The following CNTNAP2 variants were observed in gnomAD, a reference collection of about 807,000 sequenced individuals.
CNTNAP2 encodes contactin-associated protein-like 2.
In CNTNAP2, 98 loss-of-function variants were observed where a neutral mutation model predicts 155.2. That is an observed-to-expected ratio of 0.63 (90% CI 0.54 to 0.75). CNTNAP2 has a LOEUF of 0.75. Among genes scored for constraint, CNTNAP2 ranks in the 30% least tolerant of loss-of-function variants. CNTNAP2 has a pLI of 0.00. For missense variants in CNTNAP2, 1,727 were observed against 1,688.1 expected (o/e 1.02, Z -0.40); for synonymous variants, 651 against 631.2 (o/e 1.03, Z -0.47).
intron 12 of CNTNAP2, among the ~76,000 whole-genome samples, chr7:147,594,324 C>T (rs894404965): frequency 9.2e-5 from 14 of 152,100 alleles, no homozygotes; most frequent in South Asian, 4.2e-4. Flanking sequence ...TCTTCTGCTT[C>T]GGGCTGTGGC....
At chr7:148,179,452 A>T (rs1481232304) in intron 18 of CNTNAP2, among the ~76,000 whole-genome samples, 1 of 151,868 alleles carries the variant, frequency 6.6e-6, no homozygotes, top group Non-Finnish European at 1.5e-5. Context: ...GGCTTCAATC[A>T]GCCGAGATTG....
intron 20 of CNTNAP2, among the ~76,000 whole-genome samples, chr7:148,251,833 G>A (rs946111619): frequency 2.0e-5 from 3 of 152,224 alleles, no homozygotes; most frequent in Non-Finnish European, 4.4e-5. Context: ...CCAAGGGTAT[G>A]ATTATGCTAC....
At chr7:147,812,416 G>A (rs748059838) in intron 13 of CNTNAP2, among the ~76,000 whole-genome samples, 5 of 151,486 alleles carry the variant, frequency 3.3e-5, no homozygotes, top group Non-Finnish European at 5.9e-5. Context: ...CATCTATTCT[G>A]TTAGGAAGAA....
At chr7:146,283,245 G>C (rs1800277359) in intron 1 of CNTNAP2, among the ~76,000 whole-genome samples, 1 of 152,172 alleles carries the variant, frequency 6.6e-6, no homozygotes, top group East Asian at 1.9e-4. Flanking sequence ...ACCTTTGAAA[G>C]TTTCAAGTGA....
chr7:146,545,542 C>T (rs1378935836), intron 1 of CNTNAP2, among the ~76,000 whole-genome samples: 1 of 151,632 alleles, frequency 6.6e-6, no homozygotes, highest in Non-Finnish European at 1.5e-5. Flanking sequence ...CTCCGTCTGT[C>T]CATGTGTTCT....
intron 2 of CNTNAP2, among the ~76,000 whole-genome samples, chr7:146,835,118 G>A (rs1803591317): frequency 6.6e-6 from 1 of 152,062 alleles, no homozygotes; most frequent in Admixed American, 6.6e-5. Context: ...TTTCCTTAAA[G>A]TTAACAATAA....
At chr7:148,186,171 G>T (rs1252978474) in intron 18 of CNTNAP2, among the ~76,000 whole-genome samples, 1 of 152,088 alleles carries the variant, frequency 6.6e-6, no homozygotes, top group Admixed American at 6.6e-5. Flanking sequence ...AGTATGTCGT[G>T]GTTGAAAGGA....
intron 13 of CNTNAP2, among the ~76,000 whole-genome samples, chr7:147,775,268 TA>T (rs1797547843): frequency 1.1e-5 from 1 of 93,144 alleles, no homozygotes; most frequent in Non-Finnish European, 2.1e-5. Context: ...TAAATATATT[TA>T]TATATATATT....
chr7:146,582,883 TATA>T (rs1334000764), intron 1 of CNTNAP2, among the ~76,000 whole-genome samples: 1 of 148,838 alleles, frequency 6.7e-6, no homozygotes, highest in African/African-American at 2.4e-5. Context: ...TAAATATAAA[TATA>T]ATATTAATAT....
intron 1 of CNTNAP2, among the ~76,000 whole-genome samples, chr7:146,341,733 A>C (rs903707566): frequency 6.6e-6 from 1 of 152,154 alleles, no homozygotes; most frequent in African/African-American, 2.4e-5. Context: ...AAACAAAAAA[A>C]ACCCCTGAAA....
chr7:146,972,089 TA>T (rs1395311200), intron 3 of CNTNAP2, among the ~76,000 whole-genome samples: 1 of 152,152 alleles, frequency 6.6e-6, no homozygotes, highest in Non-Finnish European at 1.5e-5. Context: ...ACTGACAAGA[TA>T]ACCAGCTACA....
intron 15 of CNTNAP2, among the ~76,000 whole-genome samples, chr7:148,024,536 T>TCCTCACATTA (rs1469335157): frequency 3.9e-5 from 6 of 152,216 alleles, no homozygotes; most frequent in African/African-American, 1.4e-4. Flanking sequence ...CCCAGCTTTG[T>TCCTCACATTA]TCCTCACATT....
intron 21 of CNTNAP2, among the ~76,000 whole-genome samples, chr7:148,282,435 A>G (rs913045234): frequency 6.6e-6 from 1 of 152,210 alleles, no homozygotes; most frequent in Non-Finnish European, 1.5e-5. Flanking sequence ...TTAACCGTGA[A>G]ATGAGAATGA....
At chr7:147,618,332 C>A (rs865794926) in intron 12 of CNTNAP2, among the ~76,000 whole-genome samples, 4 of 152,050 alleles carry the variant, frequency 2.6e-5, no homozygotes, top group African/African-American at 9.7e-5. Flanking sequence ...CCCAGTCTAG[C>A]AAGATTTATA....
chr7:148,102,816 C>T lies in CNTNAP2; in HGVS notation c.2384-15302C>T, dbSNP rs564024338. On this transcript the variant is annotated intron_variant, in intron 15 of 23. Transcript: ENST00000361727. ...GTAACCATTGTTGAACCCCAAATATCCAAGACAGGTCTCAGTCAATTTAGG... is the reference window on the plus strand; with the variant it reads ...GTAACCATTGTTGAACCCCAAATATTCAAGACAGGTCTCAGTCAATTTAGG... Among the ~76,000 whole-genome samples the T allele has an allele frequency of 4.6e-5, 7 of 152,246 alleles. No homozygotes were observed. The East Asian group carries it at 1.4e-3, about 29-fold the overall frequency.
intron 1 of CNTNAP2, among the ~76,000 whole-genome samples, chr7:146,462,783 G>C (rs1033226129): frequency 6.6e-6 from 1 of 152,174 alleles, no homozygotes; most frequent in Non-Finnish European, 1.5e-5. Flanking sequence ...GCGGGGAATA[G>C]TATGTTGACT....
At chr7:146,552,475 C>A (rs1377788733) in intron 1 of CNTNAP2, among the ~76,000 whole-genome samples, 1 of 152,062 alleles carries the variant, frequency 6.6e-6, no homozygotes, top group African/African-American at 2.4e-5. Flanking sequence ...ATTTAAGCTA[C>A]CATTGGATTT....
chr7:147,371,081 C>T (rs1379836812), intron 9 of CNTNAP2, among the ~76,000 whole-genome samples: 18 of 152,076 alleles, frequency 1.2e-4, no homozygotes, highest in Admixed American at 2.6e-4. Context: ...CAAACCTTAA[C>T]GCTAAATTCA....
rs547304804 is a variant in CNTNAP2 at position 147,877,673 on chromosome 7, G to A, written c.2099-25892G>A. Among the ~76,000 whole-genome samples the A allele has an allele frequency of 3.0e-4, 45 of 152,096 alleles. 1 individual carries two copies. The highest frequency in any genetic ancestry group is 2.1e-4 in the Non-Finnish European group (14 of 68,008). On this transcript the variant is annotated intron_variant, in intron 13 of 23. Coordinates refer to ENST00000361727, the MANE Select transcript of CNTNAP2 (RefSeq NM_014141.6). ...CTTTGTTAAATGAACACCTGACAAA[G>A]GCTTTCATTTTTTCTAATTACAAAT...
Sources: allele counts gnomAD v4.1 joint callset (sites outside exome capture counted in the v4.1 genomes callset), GRCh38; gene constraint gnomAD v4.1.1; transcripts MANE v1.5; gene names NCBI Gene and HGNC (gene_info 2026-07-23, HGNC 2026-07-21).